The following GRIP1 variants were observed in gnomAD, a reference collection of about 807,000 sequenced individuals.
The protein encoded by GRIP1 is glutamate receptor-interacting protein 1.
A neutral mutation model predicts 129.9 loss-of-function variants in GRIP1; 45 were observed. The observed-to-expected ratio is 0.35, with a 90% CI of 0.27 to 0.44. GRIP1 has a LOEUF of 0.44. GRIP1 is among the 20% of genes least tolerant of loss of function. The probability of loss-of-function intolerance (pLI) is 1.00; values close to 1 mark genes in which losing one functional copy is unlikely to be tolerated. For missense variants in GRIP1, 1,196 were observed against 1,396.8 expected, an observed-to-expected ratio of 0.86 and a Z score of 2.29; for synonymous variants, 530 against 520.8, an observed-to-expected ratio of 1.02 and a Z score of -0.24.
At chr12:66,380,750 G>A (rs1013677507) in intron 19 of GRIP1, among the ~76,000 whole-genome samples, 2 of 152,170 alleles carry the variant, frequency 1.3e-5, no homozygotes, top group Non-Finnish European at 2.9e-5. Flanking sequence ...GGGTTCAAGT[G>A]GGGCTCGATT....
At position 66,848,058 on chromosome 12, in the gene GRIP1, T is replaced by A. The variant is rs115781353; in HGVS notation, c.58+220992A>T. On this transcript the variant is annotated intron_variant, in intron 1 of 1. Coordinates refer to the GRIP1 transcript ENST00000643019. The stretch of plus-strand genomic sequence containing the variant: ...CCAGTCATAAGCATTATGCTTTATA[T>A]CATATCCGACTTTCAAATACCGTAA... 6.5e-3 allele frequency among the ~76,000 whole-genome samples: 990 copies of A among 152,314 alleles called. 14 individuals are homozygous for A. The highest frequency in any genetic ancestry group is 0.022 in the African/African-American group (931 of 41,560).
At chr12:66,916,189 TA>T (rs1301057065) in intron 1 of GRIP1, among the ~76,000 whole-genome samples, 1 of 152,162 alleles carries the variant, frequency 6.6e-6, no homozygotes, top group Non-Finnish European at 1.5e-5. Context: ...AGTATGTTTT[TA>T]AAAAAAGTTC....
chr12:66,920,376 C>A (rs2137356593), intron 1 of GRIP1, among the ~76,000 whole-genome samples: 1 of 152,236 alleles, frequency 6.6e-6, no homozygotes, highest in Admixed American at 6.5e-5. Context: ...TGGTCCTTGC[C>A]ATCAACCTGA....
At chr12:66,956,156 A>T (rs951092664) in intron 1 of GRIP1, among the ~76,000 whole-genome samples, 2 of 152,072 alleles carry the variant, frequency 1.3e-5, no homozygotes, top group African/African-American at 4.8e-5. Flanking sequence ...TTTCCCACTA[A>T]TGTCCTTTTC....
chr12:66,764,006 A>G (rs551837778), intron 1 of GRIP1, among the ~76,000 whole-genome samples: 2 of 152,328 alleles, frequency 1.3e-5, no homozygotes, highest in South Asian at 4.1e-4. Context: ...TTGTGTCCAT[A>G]CTCTAAGTGC....
At chr12:66,675,784 G>A (rs867801072) in intron 1 of GRIP1, among the ~76,000 whole-genome samples, 11 of 152,188 alleles carry the variant, frequency 7.2e-5, no homozygotes, top group East Asian at 1.9e-4. Context: ...GATGGGAAAC[G>A]GAATGCTTTT....
intron 4 of GRIP1, among the ~76,000 whole-genome samples, chr12:66,536,898 A>G (rs1456178938): frequency 6.6e-6 from 1 of 152,164 alleles, no homozygotes; most frequent in Non-Finnish European, 1.5e-5. Flanking sequence ...ATTAGTATGG[A>G]AGAGCAAAAA....
chr12:66,545,299 A>G (rs2061914182), intron 2 of GRIP1, among the ~76,000 whole-genome samples: 3 of 152,196 alleles, frequency 2.0e-5, no homozygotes, highest in African/African-American at 7.2e-5. Flanking sequence ...CAATCTTTTT[A>G]ATTACTGAAC....
intron 5 of GRIP1, 144 bp from the exon 6 acceptor site, chr12:66,518,120 T>A (rs2060899424): frequency 1.4e-6 from 1 of 692,520 alleles, no homozygotes; most frequent in Admixed American, 2.2e-5. Context: ...TACAAAAGCC[T>A]TAAAGGTCTT....
At chr12:66,869,496 T>C (rs900067471) in intron 1 of GRIP1, among the ~76,000 whole-genome samples, 2 of 152,118 alleles carry the variant, frequency 1.3e-5, no homozygotes, top group Non-Finnish European at 2.9e-5. Context: ...TTAACATGTC[T>C]CTGTTGCAGC....
At chr12:66,875,701 A>C (rs528032891) in intron 1 of GRIP1, among the ~76,000 whole-genome samples, 21 of 152,204 alleles carry the variant, frequency 1.4e-4, no homozygotes, top group Middle Eastern at 6.8e-3. Context: ...TTTTACTAAG[A>C]TCAATCATCC....
intron 4 of GRIP1, among the ~76,000 whole-genome samples, chr12:66,533,208 T>C (rs979500066): frequency 6.6e-6 from 1 of 152,134 alleles, no homozygotes; most frequent in Non-Finnish European, 1.5e-5. Flanking sequence ...TATTATTTAT[T>C]TATTTTTAAT....
intron 1 of GRIP1, among the ~76,000 whole-genome samples, chr12:66,785,910 C>T (rs2038327608): frequency 6.6e-6 from 1 of 150,906 alleles, no homozygotes; most frequent in Non-Finnish European, 1.5e-5. Flanking sequence ...AGAGAGACTC[C>T]AACTCTACAA....
chr12:66,414,266 G>A (rs959238693), intron 15 of GRIP1, among the ~76,000 whole-genome samples: 3 of 152,106 alleles, frequency 2.0e-5, no homozygotes, highest in African/African-American at 7.2e-5. Context: ...CAAAATCACT[G>A]TGCAGAAATC....
At chr12:66,698,474 C>T (rs147981958) in intron 1 of GRIP1, among the ~76,000 whole-genome samples, 113 of 152,320 alleles carry the variant, frequency 7.4e-4, no homozygotes, top group African/African-American at 2.6e-3. Context: ...CCACATTCTA[C>T]ACACGCAAGG....
At chr12:66,855,986 A>T (rs1362477439) in intron 1 of GRIP1, among the ~76,000 whole-genome samples, 1 of 151,708 alleles carries the variant, frequency 6.6e-6, no homozygotes, top group East Asian at 1.9e-4. Context: ...ATAAAAATTA[A>T]AAAAAAGGGA....
At chr12:66,693,020 A>C (rs1184057899) in intron 1 of GRIP1, among the ~76,000 whole-genome samples, 1 of 152,178 alleles carries the variant, frequency 6.6e-6, no homozygotes, top group East Asian at 1.9e-4. Flanking sequence ...TTATGAATAA[A>C]GTGTTTAGGA....
chr12:66,757,963 CTTA>C (rs1316788773), intron 1 of GRIP1, among the ~76,000 whole-genome samples: 1 of 151,902 alleles, frequency 6.6e-6, no homozygotes, highest in Non-Finnish European at 1.5e-5. Flanking sequence ...CATAAAAAAT[CTTA>C]TTATTTTTAC....
At chr12:66,397,452 G>A (rs1427162819) in intron 16 of GRIP1, among the ~76,000 whole-genome samples, 1 of 151,596 alleles carries the variant, frequency 6.6e-6, no homozygotes, top group Non-Finnish European at 1.5e-5. Flanking sequence ...GGTGGAGGTT[G>A]CAGTGAGCCA....
Sources: gnomAD v4.1 joint callset for allele counts (sites outside exome capture counted in the v4.1 genomes callset) on GRCh38, gnomAD v4.1.1 for gene constraint, MANE v1.5 for transcripts, NCBI Gene and HGNC (gene_info 2026-07-23, HGNC 2026-07-21) for gene names.